SMIM14: variants seen among roughly 807,000 people sequenced by gnomAD.
SMIM14 encodes the protein small integral membrane protein 14, also known as chromosome 4 open reading frame 34.
SMIM14 carries 5 observed loss-of-function variants against 12.6 expected under a neutral mutation model. That is an observed-to-expected ratio of 0.40 (90% CI 0.21 to 0.83). The LOEUF is 0.83. Among genes scored for constraint, SMIM14 ranks in the 40% least tolerant of loss-of-function variants. The pLI is 0.37. For missense variants in SMIM14, 86 were observed against 119.1 expected, an observed-to-expected ratio of 0.72 and a Z score of 1.29; for synonymous variants, 30 against 40.1, an observed-to-expected ratio of 0.75 and a Z score of 0.95.
intron 2 of SMIM14, chr4:39,592,993 A>G (rs1330524892): frequency 9.2e-5 from 14 of 151,952 alleles, no homozygotes; most frequent in Admixed American, 8.5e-4. Context: ...AACTGGTACC[A>G]TTCCTTCTGA....
chr4:39,579,752 G>C (rs927626228), intron 2 of SMIM14, among the ~76,000 whole-genome samples: 7 of 151,318 alleles, frequency 4.6e-5, no homozygotes, highest in Admixed American at 2.6e-4. Flanking sequence ...GCTGAGGCAG[G>C]AGAATCGCTT....
At chr4:39,575,336 C>T (rs546568172) in intron 2 of SMIM14, among the ~76,000 whole-genome samples, 1 of 151,882 alleles carries the variant, frequency 6.6e-6, no homozygotes, top group East Asian at 2.0e-4. Context: ...TGCCACCAAG[C>T]CCAGTGAAGA....
rs114637930 is a variant in SMIM14 at position 39,566,026 on chromosome 4, G to A, written c.124+6389C>T. Among the ~76,000 whole-genome samples the A allele has an allele frequency of 7.2e-3, 1,086 of 151,642 alleles. 21 individuals carry two copies. Among genetic ancestry groups the A allele is most frequent in the African/African-American group, 0.025 (1,015 of 41,274 alleles). On this transcript the variant is annotated intron_variant, in intron 3 of 4. Coordinates refer to ENST00000295958, the MANE Select transcript of SMIM14 (RefSeq NM_174921.3). ...TAAGTCCAATAAACCCTTTTCTTTC[G>A]TAAATTGCCCTGTCTTGGGTATGTC...
chr4:39,575,567 ACT>A (rs1400394416), intron 2 of SMIM14, among the ~76,000 whole-genome samples: 1 of 151,092 alleles, frequency 6.6e-6, no homozygotes, highest in African/African-American at 2.4e-5. Context: ...GAATCAAAAA[ACT>A]CTTACTAAAA....
chr4:39,615,765 T>C (rs1214980759), intron 1 of SMIM14, among the ~76,000 whole-genome samples: 1 of 152,192 alleles, frequency 6.6e-6, no homozygotes, highest in Non-Finnish European at 1.5e-5. Context: ...TTAAAGACCA[T>C]TGAAACTGGA....
chr4:39,579,805 C>T (rs943257369), intron 2 of SMIM14, among the ~76,000 whole-genome samples: 1 of 142,544 alleles, frequency 7.0e-6, no homozygotes, highest in Non-Finnish European at 1.5e-5. Flanking sequence ...GACCATGCCA[C>T]TGTACTCCAG....
chr4:39,632,536 G>A (rs1268896766), intron 1 of SMIM14, among the ~76,000 whole-genome samples: 4 of 149,404 alleles, frequency 2.7e-5, no homozygotes, highest in African/African-American at 9.9e-5. Flanking sequence ...GCTCACACCT[G>A]TAATCCCAGC....
intron 1 of SMIM14, among the ~76,000 whole-genome samples, chr4:39,628,114 C>T (rs1312730560): frequency 6.6e-6 from 1 of 151,838 alleles, no homozygotes; most frequent in Non-Finnish European, 1.5e-5. Flanking sequence ...CAAGACCAGC[C>T]TGGCCAACAT....
chr4:39,600,323 G>A (rs1714549426), intron 2 of SMIM14, among the ~76,000 whole-genome samples: 1 of 152,070 alleles, frequency 6.6e-6, no homozygotes, highest in Admixed American at 6.6e-5. Context: ...ATAGGCATGA[G>A]CCACCGTGCC....
chr4:39,588,694 G>A (rs960151252), intron 2 of SMIM14, among the ~76,000 whole-genome samples: 19 of 151,864 alleles, frequency 1.3e-4, no homozygotes, highest in African/African-American at 3.4e-4. Flanking sequence ...AAAAAGATCT[G>A]GGAAGATACA....
At chr4:39,626,743 G>C (rs1044468428) in intron 1 of SMIM14, among the ~76,000 whole-genome samples, 5 of 152,144 alleles carry the variant, frequency 3.3e-5, no homozygotes, top group Non-Finnish European at 7.3e-5. Flanking sequence ...CTCAAGGAAA[G>C]GAGAACGCTT....
At chr4:39,636,669 C>T (rs1716102010) in intron 1 of SMIM14, among the ~76,000 whole-genome samples, 1 of 150,470 alleles carries the variant, frequency 6.6e-6, no homozygotes, top group Admixed American at 6.7e-5. Context: ...AGTGAGATCT[C>T]GTCTCTATTA....
In SMIM14 at chr4:39,561,761, C is replaced by A. The variant is rs961140305; in HGVS notation, c.125-5191G>T. Among the ~76,000 whole-genome samples the A allele has an allele frequency of 2.0e-5, 3 of 151,904 alleles. No homozygotes were observed. In the East Asian group the frequency reaches 5.8e-4, roughly 29 times the overall value. On this transcript the variant is annotated intron_variant, in intron 3 of 4. Coordinates refer to ENST00000295958, the MANE Select transcript of SMIM14 (RefSeq NM_174921.3). ...ATGGTGTTGGCCATCTCTACCAAAG[C>A]CCATCTCTACTAAAAATACAAAAAT... is the stretch of plus-strand genomic sequence containing the variant.
At chr4:39,632,828 A>ACACAC (rs1261898736) in intron 1 of SMIM14, among the ~76,000 whole-genome samples, 1 of 148,004 alleles carries the variant, frequency 6.8e-6, no homozygotes, top group Non-Finnish European at 1.5e-5. Flanking sequence ...CACACACACA[A>ACACAC]AAGAAAAAGA....
rs200756520 is a variant in SMIM14 at position 39,619,852 on chromosome 4, ATATATATT to A, written c.-35-14680_-35-14673del. Among the ~76,000 whole-genome samples the A allele has an allele frequency of 1.0e-3, 58 of 56,452 alleles. 2 individuals carry two copies. Among genetic ancestry groups the A allele is most frequent in the South Asian group, 3.5e-3 (8 of 2,296 alleles). The allele number at this position is 56,452 out of a possible 152,430, so 37.0% of individuals were successfully genotyped here. A position where few individuals can be genotyped will look rare whatever the true frequency, so the allele number is the denominator to read the frequency against. On this transcript the variant is annotated intron_variant, in intron 1 of 4. Transcript: ENST00000295958. ...TATATATAAATGTATATATATATTT[ATATATATT>A]TATATATATATATATATTTTTTTTT...
chr4:39,638,501 T>A, intron 1 of SMIM14: 1 of 985,442 alleles, frequency 1.0e-6, no homozygotes, highest in Non-Finnish European at 1.2e-6. Flanking sequence ...GCCCCGACTC[T>A]GACATCCTGC....
intron 4 of SMIM14, 141 bp from the exon 5 acceptor site, chr4:39,552,299 G>A (rs1711757952): frequency 1.8e-6 from 1 of 557,760 alleles, no homozygotes; most frequent in Non-Finnish European, 3.0e-6. Flanking sequence ...GAGCAGCAAT[G>A]CCCCCAACCA....
At chr4:39,609,573 TGAAA>T (rs2110062954) in intron 1 of SMIM14, among the ~76,000 whole-genome samples, 1 of 152,154 alleles carries the variant, frequency 6.6e-6, no homozygotes, top group African/African-American at 2.4e-5. Flanking sequence ...TTGGAGGAAC[TGAAA>T]GAAAGCCACA....
intron 2 of SMIM14, among the ~76,000 whole-genome samples, chr4:39,587,687 C>T (rs137996482): frequency 5.3e-4 from 80 of 152,012 alleles, no homozygotes; most frequent in African/African-American, 1.9e-3. Flanking sequence ...AGGAGGAACG[C>T]TTGAGCCCAG....
Sources: allele counts gnomAD v4.1 joint callset (sites outside exome capture counted in the v4.1 genomes callset), GRCh38; gene constraint gnomAD v4.1.1; transcripts MANE v1.5; gene names NCBI Gene and HGNC (gene_info 2026-07-23, HGNC 2026-07-21).